The following PLD1 variants were observed in gnomAD, a reference collection of about 807,000 sequenced individuals.
PLD1 encodes choline phosphatase 1.
Under a neutral mutation model 137.1 loss-of-function variants are expected in PLD1, and 112 were observed. That is an observed-to-expected ratio of 0.82 (90% CI 0.70 to 0.96). PLD1 has a LOEUF of 0.96. Among genes scored for constraint, PLD1 ranks in the 40% least tolerant of loss-of-function variants. The pLI, the probability that PLD1 is intolerant of heterozygous loss-of-function variation, is 0.00. For missense variants in PLD1, 1,321 were observed against 1,342.0 expected (o/e 0.98, Z 0.24); for synonymous variants, 431 against 454.7 (o/e 0.95, Z 0.66).
chr3:171,736,273 G>A (rs1719352321), intron 3 of PLD1, among the ~76,000 whole-genome samples: 2 of 152,052 alleles, frequency 1.3e-5, no homozygotes, highest in South Asian at 4.1e-4. Context: ...CTAAATCTTT[G>A]TAATAAACCT....
chr3:171,639,535 T>A (rs1735472658), intron 23 of PLD1, among the ~76,000 whole-genome samples: 1 of 86,112 alleles, frequency 1.2e-5, no homozygotes. Context: ...ATAATATATA[T>A]TATATAAATA....
intron 1 of PLD1, among the ~76,000 whole-genome samples, chr3:171,788,247 CTTCT>C (rs1481991409): frequency 1.7e-5 from 2 of 120,618 alleles, no homozygotes; most frequent in Non-Finnish European, 3.3e-5. Flanking sequence ...TGCATCTGCA[CTTCT>C]TTTTTTTTTT....
At position 171,674,555 on chromosome 3, in the gene PLD1, G is replaced by T. The variant is rs1713132420; in HGVS notation, c.2174C>A (p.Thr725Lys). ...TTGATATCTCAACTCATGGGCTGTT[G>T]TTTGAGACTTTGGAAGCAGAAAAGG... The part of the protein sequence containing the change: ...SYPFLLPKSQ[T>K]TAHELRYQVP... Residue 725 changes from threonine (T) to lysine (K), a missense_variant, in exon 19 of 27, where the codon ACA becomes AAA. Transcript: ENST00000351298. The T allele has an allele frequency of 3.7e-6, 6 of 1,611,688 alleles. No individual in the cohort carries two copies. The East Asian group carries it at 1.3e-4, about 36-fold the overall frequency.
At chr3:171,619,501 C>T (rs983905659) in intron 24 of PLD1, among the ~76,000 whole-genome samples, 14 of 152,288 alleles carry the variant, frequency 9.2e-5, no homozygotes, top group Admixed American at 6.5e-4. Flanking sequence ...ATCATTAGTA[C>T]ACAATTCCCA....
At chr3:171,724,101 G>A (rs1718334436) in intron 8 of PLD1, among the ~76,000 whole-genome samples, 1 of 152,156 alleles carries the variant, frequency 6.6e-6, no homozygotes, top group Non-Finnish European at 1.5e-5. Flanking sequence ...TTATAATACT[G>A]CTATAGAAAA....
At chr3:171,618,638 C>G (rs1456453098) in intron 24 of PLD1, among the ~76,000 whole-genome samples, 1 of 151,892 alleles carries the variant, frequency 6.6e-6, no homozygotes, top group African/African-American at 2.4e-5. Flanking sequence ...TAAATAAACT[C>G]CTAAAGAGCT....
intron 25 of PLD1, among the ~76,000 whole-genome samples, chr3:171,610,864 G>A (rs115528249): frequency 0.034 from 5,155 of 152,234 alleles, 314 homozygotes; most frequent in African/African-American, 0.12. Flanking sequence ...TTGTTAGAAG[G>A]TATTGATAGA....
rs367634890 is a variant in PLD1, at chr3:171,652,588, T to A, written c.2429+6625A>T. Among the ~76,000 whole-genome samples the A allele has an allele frequency of 3.3e-5, 5 of 151,948 alleles. No individual in the cohort carries two copies. In the East Asian group the frequency reaches 5.8e-4, roughly 18 times the overall value. ...TCTATCAAACATTGCTTTTAAAAAATAAAACATTCATCTGATTTTTTTTTT... is the reference window on the plus strand; with the variant it reads ...TCTATCAAACATTGCTTTTAAAAAAAAAAACATTCATCTGATTTTTTTTTT... On this transcript the variant is annotated intron_variant, in intron 21 of 26. Transcript: ENST00000351298.
rs60146546 is a variant in PLD1, at chr3:171,808,815, A to ATTTTTTTTTTT, written c.-32+1573_-32+1583dup. ...TTTTTCCTCAAAGCCTTAGCATTCA[A>ATTTTTTTTTTT]TTTTTTTTTTTTTTTTTTTTTTTTT... On this transcript the variant is annotated intron_variant, in intron 1 of 26. Transcript: ENST00000351298. 2.0e-4 allele frequency among the ~76,000 whole-genome samples: 17 copies of ATTTTTTTTTTT among 86,236 alleles called. 2 individuals are homozygous for ATTTTTTTTTTT. The highest frequency in any genetic ancestry group is 5.3e-4 in the African/African-American group (11 of 20,674). 56.6% of individuals were successfully genotyped at this position (86,236 alleles called of 152,430 possible).
chr3:171,720,967 C>G (rs1368556908), intron 8 of PLD1, among the ~76,000 whole-genome samples: 1 of 152,190 alleles, frequency 6.6e-6, no homozygotes, highest in Admixed American at 6.5e-5. Flanking sequence ...CCTCTGCAAT[C>G]CCCAGATCCC....
chr3:171,622,102 T>A (rs1012487747), intron 23 of PLD1, among the ~76,000 whole-genome samples: 1 of 152,216 alleles, frequency 6.6e-6, no homozygotes, highest in Non-Finnish European at 1.5e-5. Context: ...TACAGCTGGA[T>A]CATGATCTAG....
chr3:171,777,420 G>A (rs190416226), intron 1 of PLD1, among the ~76,000 whole-genome samples: 1 of 152,334 alleles, frequency 6.6e-6, no homozygotes, highest in African/African-American at 2.4e-5. Flanking sequence ...CAACCTGGCA[G>A]GAACAAGCCC....
intron 19 of PLD1, among the ~76,000 whole-genome samples, chr3:171,673,560 C>T (rs1226269826): frequency 1.3e-5 from 2 of 152,086 alleles, no homozygotes; most frequent in East Asian, 3.8e-4. Flanking sequence ...TGGGAGCCAC[C>T]ACACCTGGCC....
chr3:171,679,316 T>C (rs972447938), intron 16 of PLD1, among the ~76,000 whole-genome samples: 1 of 152,240 alleles, frequency 6.6e-6, no homozygotes, highest in Non-Finnish European at 1.5e-5. Context: ...TAAAATGCCA[T>C]AGATTAGCAA....
intron 23 of PLD1, among the ~76,000 whole-genome samples, chr3:171,635,926 G>A (rs1167768022): frequency 7.6e-6 from 1 of 131,240 alleles, no homozygotes; most frequent in African/African-American, 2.8e-5. Context: ...TCCATATTGA[G>A]TGAATTTTTG....
At chr3:171,645,055 A>C (rs754810080) in intron 21 of PLD1, 32 bp from the exon 22 acceptor site, 30 of 1,393,034 alleles carry the variant, frequency 2.2e-5, no homozygotes, top group African/African-American at 4.2e-5. Context: ...AAATTCACCC[A>C]AAAAATAAAA....
intron 1 of PLD1, among the ~76,000 whole-genome samples, chr3:171,785,899 G>T (rs13062509): frequency 0.43 from 65,180 of 152,082 alleles, 15,598 homozygotes; most frequent in Middle Eastern, 0.7. Flanking sequence ...TCTCTACAGT[G>T]ATTTACCCAT....
intron 1 of PLD1, chr3:171,789,528 G>A (rs1359469526): frequency 1.3e-5 from 2 of 152,136 alleles, no homozygotes; most frequent in Non-Finnish European, 2.9e-5. Context: ...TGGCCAGAGT[G>A]GGAATATCTG....
chr3:171,762,151 A>G (rs900705050), intron 1 of PLD1, among the ~76,000 whole-genome samples: 1 of 152,240 alleles, frequency 6.6e-6, no homozygotes, highest in Non-Finnish European at 1.5e-5. Flanking sequence ...ACATCAGGAT[A>G]TTAGCAGACA....
Sources: allele counts gnomAD v4.1 joint callset (sites outside exome capture counted in the v4.1 genomes callset), GRCh38; gene constraint gnomAD v4.1.1; transcripts MANE v1.5; gene names NCBI Gene and HGNC (gene_info 2026-07-23, HGNC 2026-07-21).